Variants in ARHGAP15 observed in about 807,000 individuals in gnomAD.
ARHGAP15 encodes Rho GTPase activating protein 15, also known as rho GTPase-activating protein 15.
Under a neutral mutation model 63.7 loss-of-function variants are expected in ARHGAP15, and 51 were observed. The ratio of observed to expected loss-of-function variants is 0.80; its 90% CI spans 0.64 to 1.01. The LOEUF is 1.01. ARHGAP15 is among the 50% of genes least tolerant of loss of function. The pLI, the probability that ARHGAP15 is intolerant of heterozygous loss-of-function variation, is 0.00. For synonymous variants in ARHGAP15, 191 were observed against 193.8 expected (o/e 0.99, Z 0.12); for missense variants, 560 against 564.6 (o/e 0.99, Z 0.08).
chr2:143,171,984 A>G (rs946838848), intron 2 of ARHGAP15: 4 of 150,880 alleles, frequency 2.7e-5, no homozygotes, highest in African/African-American at 9.7e-5. Context: ...TTTTTTTCCT[A>G]TTGCCTCTCT....
chr2:143,151,974 G>A (rs1473901832), intron 1 of ARHGAP15, among the ~76,000 whole-genome samples: 6 of 151,786 alleles, frequency 4.0e-5, no homozygotes, highest in South Asian at 2.1e-4. Context: ...CCTTCTGTCC[G>A]GCAGCAGGGC....
intron 6 of ARHGAP15, among the ~76,000 whole-genome samples, chr2:143,360,177 G>T (rs976325708): frequency 6.6e-6 from 1 of 150,758 alleles, no homozygotes; most frequent in East Asian, 1.9e-4. Context: ...CCTGGAGTTA[G>T]GAACCAGCCT....
intron 6 of ARHGAP15, among the ~76,000 whole-genome samples, chr2:143,397,024 A>G (rs1687791109): frequency 1.3e-5 from 2 of 152,024 alleles, no homozygotes; most frequent in Admixed American, 6.6e-5. Context: ...TCTTTTTGAA[A>G]ATAGAGTTCT....
At chr2:143,410,030 TTAAA>T (rs1468316629) in intron 6 of ARHGAP15, among the ~76,000 whole-genome samples, 3 of 152,064 alleles carry the variant, frequency 2.0e-5, no homozygotes, top group Admixed American at 6.5e-5. Flanking sequence ...GTAAAAAAAA[TTAAA>T]TAAAACTGAG....
intron 12 of ARHGAP15, among the ~76,000 whole-genome samples, chr2:143,634,349 C>T (rs28469251): frequency 0.33 from 50,268 of 152,008 alleles, 10,151 homozygotes; most frequent in East Asian, 0.66. Flanking sequence ...CTGTCTCCAC[C>T]ATTTACTATC....
intron 9 of ARHGAP15, among the ~76,000 whole-genome samples, chr2:143,503,577 C>G (rs1293159858): frequency 6.6e-6 from 1 of 152,212 alleles, no homozygotes; most frequent in African/African-American, 2.4e-5. Flanking sequence ...TGGTTATACT[C>G]TACTCCCAGT....
chr2:143,382,709 A>G (rs534537424), intron 6 of ARHGAP15, among the ~76,000 whole-genome samples: 1 of 152,278 alleles, frequency 6.6e-6, no homozygotes, highest in South Asian at 2.1e-4. Context: ...TTCCGAAAGA[A>G]ATGTTGACAG....
intron 8 of ARHGAP15, among the ~76,000 whole-genome samples, chr2:143,450,593 A>G (rs537719974): frequency 1.6e-4 from 24 of 152,078 alleles, no homozygotes; most frequent in African/African-American, 5.3e-4. Flanking sequence ...TTGGGAGTAT[A>G]TATTTTTTAC....
intron 8 of ARHGAP15, among the ~76,000 whole-genome samples, chr2:143,445,539 CATT>C (rs1256477417): frequency 1.3e-5 from 2 of 151,452 alleles, no homozygotes; most frequent in Non-Finnish European, 2.9e-5. Flanking sequence ...ATAGAAAGCT[CATT>C]ATGATCTGTG....
chr2:143,606,733 C>T (rs941171962), intron 11 of ARHGAP15: 2 of 152,132 alleles, frequency 1.3e-5, no homozygotes, highest in Admixed American at 1.3e-4. Context: ...AAAAGGTGTA[C>T]ACTTTCCTCA....
At chr2:143,410,706 GACA>G (rs756270152) in intron 6 of ARHGAP15, among the ~76,000 whole-genome samples, 4 of 151,882 alleles carry the variant, frequency 2.6e-5, no homozygotes, top group East Asian at 3.9e-4. Flanking sequence ...GTGTTGCTAT[GACA>G]ACAAGAAAAT....
intron 8 of ARHGAP15, among the ~76,000 whole-genome samples, chr2:143,479,287 C>T (rs1248336437): frequency 6.6e-6 from 1 of 151,262 alleles, no homozygotes; most frequent in African/African-American, 2.4e-5. Context: ...TCGTAGAAGG[C>T]AGAGGCTATC....
At chr2:143,426,967 G>A (rs538434186) in intron 6 of ARHGAP15, among the ~76,000 whole-genome samples, 37 of 152,144 alleles carry the variant, frequency 2.4e-4, no homozygotes, top group Non-Finnish European at 4.9e-4. Flanking sequence ...TGAGCCGGAA[G>A]GCATTCAAGT....
intron 8 of ARHGAP15, among the ~76,000 whole-genome samples, chr2:143,457,832 A>C (rs573901917): frequency 6.6e-6 from 1 of 151,828 alleles, no homozygotes; most frequent in South Asian, 2.1e-4. Flanking sequence ...ATCCAATATC[A>C]AATTTAATAG....
At chr2:143,720,985 G>A (rs1401941425) in intron 13 of ARHGAP15, among the ~76,000 whole-genome samples, 1 of 149,656 alleles carries the variant, frequency 6.7e-6, no homozygotes, top group African/African-American at 2.5e-5. Context: ...AGAATGGTGT[G>A]AACCTGGGAG....
At chr2:143,250,656 T>G in intron 6 of ARHGAP15, 56 bp downstream of exon 6, 1 of 1,437,246 alleles carries the variant, frequency 7.0e-7, no homozygotes, top group Non-Finnish European at 9.7e-7. Flanking sequence ...CTGAGCTCTC[T>G]TGGGTAACTA....
intron 13 of ARHGAP15, among the ~76,000 whole-genome samples, chr2:143,744,014 G>T (rs1686065637): frequency 6.6e-6 from 1 of 152,160 alleles, no homozygotes; most frequent in Admixed American, 6.5e-5. Context: ...GATACCCTGT[G>T]TACATAAATT....
chr2:143,331,156 T>G (rs1396523954), intron 6 of ARHGAP15, among the ~76,000 whole-genome samples: 1 of 152,200 alleles, frequency 6.6e-6, no homozygotes. Context: ...TCTTTTACTT[T>G]ATTATAATAC....
intron 10 of ARHGAP15, among the ~76,000 whole-genome samples, chr2:143,524,897 C>T (rs1694199570): frequency 6.6e-6 from 1 of 152,180 alleles, no homozygotes; most frequent in South Asian, 2.1e-4. Context: ...AGCTATTGTA[C>T]AGTACCCATT....
Sources: allele counts gnomAD v4.1 joint callset (sites outside exome capture counted in the v4.1 genomes callset), GRCh38; gene constraint gnomAD v4.1.1; transcripts MANE v1.5; gene names NCBI Gene and HGNC (gene_info 2026-07-23, HGNC 2026-07-21).